The following TANC2 variants were observed in gnomAD, a reference collection of about 807,000 sequenced individuals.
TANC2 encodes protein TANC2.
Under a neutral mutation model 210.5 loss-of-function variants are expected in TANC2, and 26 were observed. That is an observed-to-expected ratio of 0.12 (90% CI 0.09 to 0.17). The LOEUF is 0.17. Ranked by LOEUF, TANC2 falls within the 10% of genes least tolerant of loss-of-function variation. The probability of loss-of-function intolerance (pLI) is 1.00; values close to 1 mark genes in which losing one functional copy is unlikely to be tolerated. For missense variants in TANC2, 2,129 were observed against 2,608.9 expected (o/e 0.82, Z 4.01); for synonymous variants, 931 against 967.1 (o/e 0.96, Z 0.69).
At chr17:62,991,216 TAAA>T (rs1330449866) in intron 1 of TANC2, among the ~76,000 whole-genome samples, 1 of 152,100 alleles carries the variant, frequency 6.6e-6, no homozygotes, top group African/African-American at 2.4e-5. Context: ...AAAATAATAT[TAAA>T]AAAACAAATG....
rs1200928446 is a variant in TANC2 at position 63,379,931 on chromosome 17, T to G, written c.2691+105T>G. ...TAGTCCCTGCCTTCTGAAGTTCTTT[T>G]GCTGCAAACTTGGTTCATCTCCCAA... On this transcript the variant is annotated intron_variant, in intron 15 of 27. Coordinates refer to ENST00000689528, the Ensembl canonical transcript of TANC2. 8 of 974,370 alleles carry G rather than the reference T, an allele frequency of 8.2e-6. No individual in the cohort carries two copies. In the East Asian group the frequency reaches 1.8e-4, roughly 22 times the overall value. The allele number at this position is 974,370 out of a possible 1,614,324, so 60.4% of individuals were successfully genotyped here. A position where few individuals can be genotyped will look rare whatever the true frequency, so the allele number is the denominator to read the frequency against.
intron 8 of TANC2, among the ~76,000 whole-genome samples, chr17:63,254,861 G>T (rs1347649080): frequency 2.0e-5 from 3 of 151,980 alleles, no homozygotes; most frequent in African/African-American, 7.2e-5. Context: ...TTAATGTGTT[G>T]TTGAATTTGT....
At chr17:63,176,633 G>A (rs972194700) in intron 5 of TANC2, among the ~76,000 whole-genome samples, 1 of 151,670 alleles carries the variant, frequency 6.6e-6, no homozygotes, top group South Asian at 2.1e-4. Context: ...GTGAAACCCC[G>A]TCTCTACTAA....
At position 63,068,074 on chromosome 17, in the gene TANC2, A is replaced by G. The variant is rs553625929; in HGVS notation, c.68-5869A>G. Among the ~76,000 whole-genome samples, 72 of 152,308 alleles carry G rather than the reference A, an allele frequency of 4.7e-4. 2 individuals are homozygous for G. The South Asian group carries it at 0.015, about 32-fold the overall frequency. ...AAGTCTTGAAAGCAGCCCGAGAGAAATAACACATTACCTAGAGGGGAACAA... is the reference window on the plus strand; with the variant it reads ...AAGTCTTGAAAGCAGCCCGAGAGAAGTAACACATTACCTAGAGGGGAACAA... On this transcript the variant is annotated intron_variant, in intron 2 of 27. Coordinates refer to ENST00000689528, the Ensembl canonical transcript of TANC2.
chr17:63,041,168 G>A (rs557220313), intron 2 of TANC2, among the ~76,000 whole-genome samples: 2 of 151,960 alleles, frequency 1.3e-5, no homozygotes, highest in South Asian at 4.2e-4. Context: ...CCAAAGCAAA[G>A]TGTTCTCCCC....
chr17:63,219,121 G>A (rs2042101279), intron 7 of TANC2, among the ~76,000 whole-genome samples: 1 of 152,034 alleles, frequency 6.6e-6, no homozygotes, highest in South Asian at 2.1e-4. Flanking sequence ...AAGATATGTG[G>A]GAAAATATAC....
At chr17:63,330,791 G>A (rs532573011) in intron 11 of TANC2, among the ~76,000 whole-genome samples, 36 of 152,160 alleles carry the variant, frequency 2.4e-4, no homozygotes, top group Non-Finnish European at 4.3e-4. Flanking sequence ...TATCTAAAAT[G>A]TAGGCGGAGC....
intron 14 of TANC2, among the ~76,000 whole-genome samples, chr17:63,372,067 A>G (rs540527550): frequency 2.6e-5 from 4 of 152,208 alleles, no homozygotes; most frequent in South Asian, 2.1e-4. Flanking sequence ...TGCTGGGGGA[A>G]GGATCCTCAA....
intron 1 of TANC2, among the ~76,000 whole-genome samples, chr17:62,988,040 T>C (rs2032662054): frequency 6.6e-6 from 1 of 152,200 alleles, no homozygotes; most frequent in Non-Finnish European, 1.5e-5. Context: ...ATATTTTTGC[T>C]TGATGAGAGT....
At chr17:63,197,821 T>A in intron 6 of TANC2, 1 of 152,200 alleles carries the variant, frequency 6.6e-6, no homozygotes, top group Non-Finnish European at 1.5e-5. Context: ...TAAATAGACG[T>A]CCATTTTAGC....
intron 5 of TANC2, among the ~76,000 whole-genome samples, chr17:63,163,520 G>A (rs2040100007): frequency 6.6e-6 from 1 of 152,140 alleles, no homozygotes; most frequent in South Asian, 2.1e-4. Flanking sequence ...TGATGATGTA[G>A]GATTTTAAGC....
At chr17:63,100,362 G>T (rs2037576130) in intron 4 of TANC2, among the ~76,000 whole-genome samples, 1 of 151,894 alleles carries the variant, frequency 6.6e-6, no homozygotes, top group African/African-American at 2.4e-5. Context: ...TTTACATTGT[G>T]TATTATTGGC....
At chr17:63,330,247 GTT>G (rs1402511473) in intron 11 of TANC2, among the ~76,000 whole-genome samples, 1 of 152,168 alleles carries the variant, frequency 6.6e-6, no homozygotes, top group Non-Finnish European at 1.5e-5. Flanking sequence ...GATTCATGAG[GTT>G]TAAGGAAAGA....
At chr17:63,109,766 A>G (rs1232675066) in intron 4 of TANC2, among the ~76,000 whole-genome samples, 1 of 151,766 alleles carries the variant, frequency 6.6e-6, no homozygotes, top group Non-Finnish European at 1.5e-5. Flanking sequence ...TCTTCTTTGT[A>G]ACATAGCCTG....
At chr17:63,114,670 G>A (rs768774095) in intron 4 of TANC2, among the ~76,000 whole-genome samples, 22 of 152,032 alleles carry the variant, frequency 1.4e-4, no homozygotes, top group East Asian at 3.9e-4. Flanking sequence ...CTACCTTTAA[G>A]CACAATAGAG....
chr17:63,156,854 T>C (rs930571585), intron 5 of TANC2, among the ~76,000 whole-genome samples: 3 of 152,022 alleles, frequency 2.0e-5, no homozygotes, highest in Non-Finnish European at 2.9e-5. Context: ...CCACCACACC[T>C]GTTTAATTTT....
In TANC2 at chr17:63,415,508, C is replaced by T. The variant is rs774261537; in HGVS notation, c.4021-20C>T. On this transcript the variant is annotated intron_variant, in intron 25 of 27. Transcript: ENST00000689528. ...TTCAGCAGACCAACTGTGTGTTTCGCCATCTTGTGCTCCCATTAGAAAGGT... is the reference window on the plus strand; with the variant it reads ...TTCAGCAGACCAACTGTGTGTTTCGTCATCTTGTGCTCCCATTAGAAAGGT... The T allele has an allele frequency of 1.9e-6, 3 of 1,611,610 alleles. No homozygotes were observed. The Admixed American group carries it at 5.0e-5, about 27-fold the overall frequency.
At chr17:63,080,462 A>G (rs576095178) in intron 3 of TANC2, among the ~76,000 whole-genome samples, 1 of 152,208 alleles carries the variant, frequency 6.6e-6, no homozygotes, top group Admixed American at 6.5e-5. Context: ...TACTGGTGTA[A>G]TGATGTCCAC....
chr17:63,219,031 T>A (rs186605610), intron 7 of TANC2, among the ~76,000 whole-genome samples: 161 of 152,190 alleles, frequency 1.1e-3, no homozygotes, highest in Middle Eastern at 0.01. Context: ...AAGCACTAAA[T>A]TGTGGAATAA....
Sources: allele counts gnomAD v4.1 joint callset (sites outside exome capture counted in the v4.1 genomes callset), GRCh38; gene constraint gnomAD v4.1.1; transcripts MANE v1.5; gene names NCBI Gene and HGNC (gene_info 2026-07-23, HGNC 2026-07-21).